CCDC157: variants seen among roughly 807,000 people sequenced by gnomAD.
The protein encoded by CCDC157 is coiled-coil domain containing 157.
CCDC157 carries 60 observed loss-of-function variants against 70.9 expected under a neutral mutation model. The observed-to-expected ratio is 0.85, with a 90% CI of 0.69 to 1.05. The LOEUF (loss-of-function observed/expected upper bound fraction) is 1.05. Ranked by LOEUF, CCDC157 falls within the 50% of genes least tolerant of loss-of-function variation. CCDC157 has a pLI of 0.00. For missense variants in CCDC157, 943 were observed against 984.2 expected (o/e 0.96, Z 0.56); for synonymous variants, 373 against 422.4 (o/e 0.88, Z 1.43).
At chr22:30,373,476 G>GAC in intron 7 of CCDC157, 121 bp from the exon 8 acceptor site, 1 of 1,097,286 alleles carries the variant, frequency 9.1e-7, no homozygotes, top group Non-Finnish European at 1.3e-6. Context: ...CCTAGACACA[G>GAC]ACACACACCC....
In CCDC157 at chr22:30,375,534, C is replaced by T. The variant is rs1020275841; in HGVS notation, c.1728C>T (p.Asn576=). 10 of 1,614,090 alleles carry T rather than the reference C, an allele frequency of 6.2e-6. No homozygotes were observed. The African/African-American group carries it at 6.7e-5, about 11-fold the overall frequency. Residue 576 remains asparagine (N), a synonymous_variant, in exon 10 of 12, where the codon AAC becomes AAT. Coordinates refer to ENST00000338306, the MANE Select transcript of CCDC157 (RefSeq NM_001017437.5). ...TAACATGTCCCACAGACTCTGGCAA[C>T]GTCACAGATCACATGGAGAGGCAAG... ...SQITCPTDSG[N]VTDHMERQVQ... is the part of the protein sequence containing the mutation.
chr22:30,376,223 G>T (rs1270180457), intron 10 of CCDC157, 36 bp from the exon 11 acceptor site: 1 of 1,582,360 alleles, frequency 6.3e-7, no homozygotes, highest in Non-Finnish European at 8.7e-7. Context: ...GGACTCCTGG[G>T]CCCTTATAAG....
Position 30,369,412 on chromosome 22 carries a change from C to A in CCDC157, c.249-20C>A. The A allele has an allele frequency of 6.7e-7, 1 of 1,487,598 alleles. No homozygotes were observed. The highest frequency in any genetic ancestry group is 9.0e-7 in the Non-Finnish European group (1 of 1,111,986). The allele number at this position is 1,487,598 out of a possible 1,614,324, so 92.1% of individuals were successfully genotyped here. A position where few individuals can be genotyped will look rare whatever the true frequency, so the allele number is the denominator to read the frequency against. On this transcript the variant is annotated intron_variant, in intron 3 of 11. Transcript: ENST00000338306. ...TTAGCACCAGCCTGGGCCCCAGCAA[C>A]CTAGCATCTCTGCCCGCAGGCTCCT...
intron 9 of CCDC157, chr22:30,374,639 G>C (rs1324232503): frequency 2.2e-6 from 1 of 456,874 alleles, no homozygotes; most frequent in Admixed American, 2.3e-5. Flanking sequence ...AGGAAGATGT[G>C]CAGTTAGCTG....
rs560511235 is a variant in CCDC157 at position 30,359,603 on chromosome 22, T to G, written c.-165-2358T>G. Among the ~76,000 whole-genome samples the G allele has an allele frequency of 7.2e-5, 11 of 152,324 alleles. No individual in the cohort carries two copies. The East Asian group carries it at 1.7e-3, about 24-fold the overall frequency. On this transcript the variant is annotated intron_variant, in intron 1 of 11. Transcript: ENST00000338306. ...ACAGTAGCTACCAGCCAACACAGAT[T>G]TTGAACATTTGAAATGGTTTCTGGT...
At position 30,378,355 on chromosome 22, in the gene CCDC157, G is replaced by A. The variant is rs1569197501; in HGVS notation, c.*1610G>A. 6 of 292,602 alleles carry A rather than the reference G, an allele frequency of 2.1e-5. No homozygotes were observed. Among genetic ancestry groups the A allele is most frequent in the South Asian group, 1.5e-4 (5 of 33,816 alleles). The allele number at this position is 292,602 out of a possible 1,614,324, so 18.1% of individuals were successfully genotyped here. The stretch of plus-strand genomic sequence containing the variant: ...ATAAAATCCCTTTGAGAAGCCAGGC[G>A]CAGTGGCTCACGTCTGTAATCCCAG... On this transcript the variant is annotated 3_prime_UTR_variant, in exon 12 of 12. Transcript: ENST00000338306.
At chr22:30,357,658 C>T (rs1243488928) in intron 1 of CCDC157, among the ~76,000 whole-genome samples, 1 of 143,080 alleles carries the variant, frequency 7.0e-6, no homozygotes, top group African/African-American at 2.7e-5. Flanking sequence ...GCGCCCACCA[C>T]ACCCGGCTAA....
At chr22:30,365,057 G>C (rs1469364265) in intron 2 of CCDC157, among the ~76,000 whole-genome samples, 2 of 152,218 alleles carry the variant, frequency 1.3e-5, no homozygotes, top group Non-Finnish European at 2.9e-5. Context: ...CAGGGACTAA[G>C]GTGGCTCAGA....
intron 3 of CCDC157, chr22:30,369,116 C>T (rs1052515618): frequency 4.6e-6 from 1 of 219,162 alleles, no homozygotes; most frequent in Non-Finnish European, 8.9e-6. Flanking sequence ...CAGAACTTTT[C>T]AAGGACTCAG....
rs546033949 is a variant in CCDC157 at position 30,370,855 on chromosome 22, C to T, written c.950C>T (p.Ala317Val). 22 of 1,612,440 alleles carry T rather than the reference C, an allele frequency of 1.4e-5. No individual in the cohort carries two copies. Among genetic ancestry groups the T allele is most frequent in the Middle Eastern group, 3.6e-4 (2 of 5,546 alleles). The change falls in exon 5 of 12, where the codon GCG becomes GTG. Residue 317 changes from alanine to valine, a missense_variant. Transcript: ENST00000338306. ...LRKQAGKLEQ[A>V]LKQEQGARRR... is the part of the protein sequence containing the mutation. The stretch of plus-strand genomic sequence containing the variant: ...AAGCAGGCGGGCAAGCTGGAGCAGG[C>T]GCTGAAACAGGAGCAGGGGGCACGG...
chr22:30,371,827 T>C, intron 6 of CCDC157, 100 bp downstream of exon 6: 1 of 1,132,268 alleles, frequency 8.8e-7, no homozygotes, highest in Non-Finnish European at 1.3e-6. Flanking sequence ...CAGGGCAAAG[T>C]TGAAGGGAAC....
chr22:30,378,187 C>G lies in CCDC157; in HGVS notation c.*1442C>G, dbSNP rs773417226. On this transcript the variant is annotated 3_prime_UTR_variant, in exon 12 of 12. Transcript: ENST00000338306. ...GATTTCTCATGTGCTGAATCCCCCA[C>G]ATGCTTCAAATCCCTGACTTCCTCC... 5 of 470,664 alleles carry G rather than the reference C, an allele frequency of 1.1e-5. No individual in the cohort carries two copies. The highest frequency in any genetic ancestry group is 2.0e-5 in the African/African-American group (1 of 50,092). 29.2% of individuals were successfully genotyped at this position (470,664 alleles called of 1,614,324 possible).
At chr22:30,369,864 TTCTTCATCTATACAACGGAGG>T in intron 4 of CCDC157, 1 of 457,492 alleles carries the variant, frequency 2.2e-6, no homozygotes, top group Non-Finnish European at 3.9e-6. Flanking sequence ...GAACCGCAGT[TTCTTCATCTATACAACGGAGG>T]TCATGTGACC....
intron 3 of CCDC157, among the ~76,000 whole-genome samples, chr22:30,367,377 A>G (rs1297851713): frequency 6.6e-6 from 1 of 152,016 alleles, no homozygotes; most frequent in Non-Finnish European, 1.5e-5. Flanking sequence ...CTGGGATTAC[A>G]GGTGCCTGCT....
chr22:30,370,405 C>T lies in CCDC157; in HGVS notation c.500C>T (p.Thr167Ile). 1.2e-6 allele frequency: 2 copies of T among 1,614,164 alleles called. No individual in the cohort carries two copies. The highest frequency in any genetic ancestry group is 1.7e-6 in the Non-Finnish European group (2 of 1,180,036). ...CCAGCCAGGAGCCCTGAATATCTGA[C>T]TACCAAGTTAATCAAGCCCTCCTCC... is the stretch of plus-strand genomic sequence containing the variant. Reference protein sequence around the residue: ...GEPARSPEYLTTKLIKPSSPV... With the variant: ...GEPARSPEYLITKLIKPSSPV... Residue 167 changes from threonine to isoleucine, a missense_variant, in exon 5 of 12, where the codon ACT (threonine) becomes ATT (isoleucine). By Grantham distance (89) the Thr-to-Ile change is moderately conservative (BLOSUM62 -1). Transcript: ENST00000338306.
Position 30,366,180 on chromosome 22 carries a change from C to G in CCDC157, c.180C>G (p.Asp60Glu), listed in dbSNP as rs1332875557. The G allele has an allele frequency of 2.5e-6, 4 of 1,613,730 alleles. No individual in the cohort carries two copies. Among genetic ancestry groups the G allele is most frequent in the Non-Finnish European group, 3.4e-6 (4 of 1,179,926 alleles). ...LDMVALLEHY[D>E]HVPGDPEFTQ... ...TGGTGGCCCTGCTGGAGCACTATGACCATGTTCCGGGTGACCCCGAGTTCA... is the reference window on the plus strand; with the variant it reads ...TGGTGGCCCTGCTGGAGCACTATGAGCATGTTCCGGGTGACCCCGAGTTCA... Residue 60 changes from aspartate (D) to glutamate (E), a missense_variant, in exon 3 of 12, where the codon GAC (aspartate) becomes GAG (glutamate). By Grantham distance (45) the Asp-to-Glu change is conservative. Coordinates refer to ENST00000338306, the MANE Select transcript of CCDC157 (RefSeq NM_001017437.5).
chr22:30,356,752 G>A (rs1483138404), upstream of CCDC157: 1 of 1,488,406 alleles, frequency 6.7e-7, no homozygotes, highest in South Asian at 1.3e-5. Flanking sequence ...CGTGGGCACG[G>A]GCGGCGGCGG....
Position 30,376,902 on chromosome 22 carries a change from C to G in CCDC157, c.*157C>G. Reference sequence around the variant, plus strand: ...CTGTCCTGGGCAGGGGCCACTGAGTCCCCAGCCATGTAGTTCAGTCAGTCA... The same window carrying G: ...CTGTCCTGGGCAGGGGCCACTGAGTGCCCAGCCATGTAGTTCAGTCAGTCA... On this transcript the variant is annotated 3_prime_UTR_variant, in exon 12 of 12. Transcript: ENST00000338306. The G allele has an allele frequency of 1.4e-6, 1 of 706,496 alleles. No individual in the cohort carries two copies. The highest frequency in any genetic ancestry group is 2.3e-6 in the Non-Finnish European group (1 of 431,684). The allele number at this position is 706,496 out of a possible 1,614,324, so 43.8% of individuals were successfully genotyped here. A position where few individuals can be genotyped will look rare whatever the true frequency, so the allele number is the denominator to read the frequency against.
intron 1 of CCDC157, among the ~76,000 whole-genome samples, chr22:30,361,241 C>T (rs1385183472): frequency 5.8e-5 from 7 of 119,858 alleles, no homozygotes; most frequent in Non-Finnish European, 1.0e-4. Context: ...GAGCAAGACT[C>T]TGTCTCAAAA....
Sources: gnomAD v4.1 joint callset for allele counts (sites outside exome capture counted in the v4.1 genomes callset) on GRCh38, gnomAD v4.1.1 for gene constraint, MANE v1.5 for transcripts, NCBI Gene and HGNC (gene_info 2026-07-23, HGNC 2026-07-21) for gene names.